The following RPH3AL variants were observed in gnomAD, a reference collection of about 807,000 sequenced individuals.
The protein encoded by RPH3AL is rabphilin 3A like (without C2 domains).
Under a neutral mutation model 43.1 loss-of-function variants are expected in RPH3AL, and 38 were observed. That is an observed-to-expected ratio of 0.88 (90% CI 0.68 to 1.15). The LOEUF (loss-of-function observed/expected upper bound fraction) is 1.15. Among genes scored for constraint, RPH3AL ranks in the 50% most tolerant of loss-of-function variants. RPH3AL has a pLI of 0.00. For missense variants in RPH3AL, 462 were observed against 423.2 expected (o/e 1.09, Z -0.81); for synonymous variants, 189 against 176.3 (o/e 1.07, Z -0.57).
chr17:321,575 A>ACAGAGATGGCCCAGGTGGCAG lies in RPH3AL; in HGVS notation c.78-161_78-160insCTGCCACCTGGGCCATCTCTG, dbSNP rs1567521604. 1.7e-3 allele frequency: 968 copies of ACAGAGATGGCCCAGGTGGCAG among 568,058 alleles called. 5 individuals carry two copies. The highest frequency in any genetic ancestry group is 0.013 in the East Asian group (343 of 26,448). The allele number at this position is 568,058 out of a possible 1,614,324, so 35.2% of individuals were successfully genotyped here. A position where few individuals can be genotyped will look rare whatever the true frequency, so the allele number is the denominator to read the frequency against. On this transcript the variant is annotated intron_variant, in intron 3 of 9. Transcript: ENST00000331302. ...GGCAGCAGAGATGGCCCAGGTGGCAACAGAGATGGCCCAGGTGGCAACAGA... is the reference window on the plus strand; with the variant it reads ...GGCAGCAGAGATGGCCCAGGTGGCAACAGAGATGGCCCAGGTGGCAGCAGAGATGGCCCAGGTGGCAACAGA...
Position 219,662 on chromosome 17 carries a change from C to G in RPH3AL, c.688G>C (p.Val230Leu). ...GGTTTGTCGCCTTTCCGGTCCCTGA[C>G]CCCAGTGGATGGGAGTCTGTCCTCT... The part of the protein sequence containing the change: ...SLEDRLPSTG[V>L]RDRKGDKPWK... The change falls in exon 8 of 10, where the codon GTC becomes CTC. Residue 230 changes from valine (V) to leucine (L), a missense_variant. Val to Leu is a conservative substitution (Grantham distance 32). Transcript: ENST00000331302. The G allele has an allele frequency of 6.2e-7, 1 of 1,613,408 alleles. No individual in the cohort carries two copies. The highest frequency in any genetic ancestry group is 1.3e-5 in the African/African-American group (1 of 74,828).
At chr17:278,331 TGA>T (rs1363092079) in intron 6 of RPH3AL, among the ~76,000 whole-genome samples, 2 of 152,200 alleles carry the variant, frequency 1.3e-5, no homozygotes, top group African/African-American at 4.8e-5. Flanking sequence ...TGTGGAACCG[TGA>T]GTCCATCAAG....
intron 1 of RPH3AL, among the ~76,000 whole-genome samples, chr17:337,870 T>G (rs545487444): frequency 9.8e-5 from 15 of 152,294 alleles, no homozygotes; most frequent in African/African-American, 3.4e-4. Flanking sequence ...AGTAAATCCT[T>G]GGGCATCTTT....
chr17:259,115 G>A (rs782282796), intron 6 of RPH3AL, among the ~76,000 whole-genome samples: 73 of 152,230 alleles, frequency 4.8e-4, no homozygotes, highest in Non-Finnish European at 8.7e-4. Context: ...GCCTCGCTCC[G>A]ATTCTCTCCT....
At chr17:315,233 T>G (rs2043935405) in intron 5 of RPH3AL, among the ~76,000 whole-genome samples, 1 of 108,270 alleles carries the variant, frequency 9.2e-6, no homozygotes, top group Non-Finnish European at 1.7e-5. Flanking sequence ...TGCCCCCACC[T>G]TCATTCACCT....
chr17:266,569 G>A (rs1262766659), intron 6 of RPH3AL, among the ~76,000 whole-genome samples: 1 of 152,208 alleles, frequency 6.6e-6, no homozygotes, highest in Non-Finnish European at 1.5e-5. Flanking sequence ...CCCTGGGGCA[G>A]CAAAGCTCCC....
intron 1 of RPH3AL, 89 bp from the exon 2 acceptor site, chr17:334,023 C>G (rs1054507654): frequency 2.0e-5 from 3 of 152,456 alleles, no homozygotes; most frequent in African/African-American, 7.2e-5. Flanking sequence ...GCTTCTATCT[C>G]CTTAACAGCA....
chr17:276,208 G>A (rs140546805), intron 6 of RPH3AL, among the ~76,000 whole-genome samples: 369 of 152,318 alleles, frequency 2.4e-3, no homozygotes, highest in Middle Eastern at 6.8e-3. Context: ...AAGGTTCACC[G>A]TGCTAAGAAA....
At chr17:337,837 G>A (rs2045002892) in intron 1 of RPH3AL, among the ~76,000 whole-genome samples, 1 of 152,188 alleles carries the variant, frequency 6.6e-6, no homozygotes, top group Non-Finnish European at 1.5e-5. Context: ...ACTTAATCCT[G>A]TGGGTCTTTT....
At chr17:233,827 G>C (rs1442871892) in intron 7 of RPH3AL, among the ~76,000 whole-genome samples, 1 of 146,558 alleles carries the variant, frequency 6.8e-6, no homozygotes, top group Non-Finnish European at 1.5e-5. Context: ...TGCAACCGGG[G>C]AGCGGCTACT....
At chr17:315,850 G>C (rs1259999971) in intron 5 of RPH3AL, among the ~76,000 whole-genome samples, 1 of 143,266 alleles carries the variant, frequency 7.0e-6, no homozygotes, top group Non-Finnish European at 1.5e-5. Context: ...CACCTCCATT[G>C]ACCTGTAGTC....
intron 1 of RPH3AL, among the ~76,000 whole-genome samples, chr17:345,715 C>G (rs547044187): frequency 8.3e-5 from 10 of 120,554 alleles, no homozygotes; most frequent in African/African-American, 2.7e-4. Flanking sequence ...TCCCCATCTG[C>G]GTGCATACCC....
At chr17:291,441 A>G (rs987993698) in intron 5 of RPH3AL, among the ~76,000 whole-genome samples, 3 of 152,206 alleles carry the variant, frequency 2.0e-5, no homozygotes, top group African/African-American at 7.2e-5. Flanking sequence ...TACTTTCCTG[A>G]GAGTTCCAGT....
In RPH3AL at chr17:333,468, T is replaced by C. The variant is rs2044856760; in HGVS notation, c.-37+291A>G. 2 of 414,900 alleles carry C rather than the reference T, an allele frequency of 4.8e-6. No homozygotes were observed. The highest frequency in any genetic ancestry group is 8.5e-6 in the Non-Finnish European group (2 of 235,110). The allele number at this position is 414,900 out of a possible 1,614,324, so 25.7% of individuals were successfully genotyped here. ...CATACGCTGCTTGCTGGTTTCTAAA[T>C]AAAATTGGGTTCTTACTATATATGC... On this transcript the variant is annotated intron_variant, in intron 2 of 9. Coordinates refer to ENST00000331302, the MANE Select transcript of RPH3AL (RefSeq NM_006987.4). The surrounding 1 kb of genome is among the most constrained non-coding windows in gnomAD (Gnocchi z 4.5).
intron 1 of RPH3AL, among the ~76,000 whole-genome samples, chr17:352,437 G>A (rs1012807910): frequency 4.0e-5 from 6 of 151,870 alleles, no homozygotes; most frequent in African/African-American, 1.2e-4. Flanking sequence ...CTCCAGCCCC[G>A]GCTGCCTCTT....
At chr17:217,227 C>T (rs1229946279) in intron 8 of RPH3AL, among the ~76,000 whole-genome samples, 2 of 93,000 alleles carry the variant, frequency 2.2e-5, no homozygotes, top group African/African-American at 3.4e-5. Flanking sequence ...ATTTCGTTCC[C>T]ATCTGGGGCA....
At chr17:282,735 G>T (rs1185989357) in intron 5 of RPH3AL, among the ~76,000 whole-genome samples, 1 of 152,238 alleles carries the variant, frequency 6.6e-6, no homozygotes, top group Non-Finnish European at 1.5e-5. Context: ...AGATGGTATA[G>T]CCGGCTGCAC....
intron 5 of RPH3AL, among the ~76,000 whole-genome samples, chr17:316,605 T>C (rs774485320): frequency 0.27 from 10,983 of 40,046 alleles, 1,450 homozygotes; most frequent in African/African-American, 0.49. Flanking sequence ...TGTGCTCCAC[T>C]TCCATTGACT....
intron 6 of RPH3AL, among the ~76,000 whole-genome samples, chr17:277,847 C>T (rs1445917330): frequency 2.0e-5 from 3 of 151,896 alleles, no homozygotes; most frequent in Non-Finnish European, 2.9e-5. Context: ...CCCAGCTATT[C>T]GGGAGGCTGA....
Sources: gnomAD v4.1 joint callset for allele counts (sites outside exome capture counted in the v4.1 genomes callset) on GRCh38, gnomAD v4.1.1 for gene constraint, Gnocchi (gnomAD v3.1) non-coding constraint, MANE v1.5 for transcripts, NCBI Gene and HGNC (gene_info 2026-07-23, HGNC 2026-07-21) for gene names.